SUGCT: variants seen among roughly 807,000 people sequenced by gnomAD.
SUGCT encodes succinyl-CoA:glutarate CoA-transferase.
SUGCT carries 41 observed loss-of-function variants against 55.0 expected under a neutral mutation model. That is an observed-to-expected ratio of 0.74 (90% CI 0.58 to 0.97). The LOEUF is 0.97. Ranked by LOEUF, SUGCT falls within the 50% of genes least tolerant of loss-of-function variation. The probability of loss-of-function intolerance (pLI) is 0.00; values close to 1 mark genes in which losing one functional copy is unlikely to be tolerated. For synonymous variants in SUGCT, 187 were observed against 200.4 expected, an observed-to-expected ratio of 0.93 and a Z score of 0.56; for missense variants, 568 against 547.8, an observed-to-expected ratio of 1.04 and a Z score of -0.37.
At chr7:40,665,864 G>A (rs535771515) in intron 12 of SUGCT, among the ~76,000 whole-genome samples, 105 of 152,036 alleles carry the variant, frequency 6.9e-4, no homozygotes, top group Middle Eastern at 3.4e-3. Flanking sequence ...TAGGTGTGCC[G>A]GTAAGTATAA....
chr7:40,261,115 G>A (rs1791195173), intron 7 of SUGCT, among the ~76,000 whole-genome samples: 2 of 152,150 alleles, frequency 1.3e-5, no homozygotes, highest in African/African-American at 2.4e-5. Flanking sequence ...TCCAGTGAAA[G>A]TCTATAGGGA....
Position 40,377,182 on chromosome 7 carries a change from CTTTCTTTCTTTCTTTCTTTTCT to C in SUGCT, c.816+60335_816+60356del, listed in dbSNP as rs1784610222. On this transcript the variant is annotated intron_variant, in intron 9 of 13. Transcript: ENST00000335693. Reference sequence around the variant, plus strand: ...TCTTTCTTTCTTTCTTTCTTTCTTTCTTTCTTTCTTTCTTTCTTTTCTTTTCTTTTCTTTCTTTTCTTTCTTT... The same window carrying C: ...TCTTTCTTTCTTTCTTTCTTTCTTTCTTTCTTTTCTTTCTTTTCTTTCTTT... Among the ~76,000 whole-genome samples, 4 of 15,694 alleles carry C rather than the reference CTTTCTTTCTTTCTTTCTTTTCT, an allele frequency of 2.5e-4. 2 individuals are homozygous for C. Among genetic ancestry groups the C allele is most frequent in the African/African-American group, 3.9e-4 (4 of 10,336 alleles). 10.3% of individuals were successfully genotyped at this position (15,694 alleles called of 152,430 possible).
chr7:40,597,076 C>G (rs1389973742), intron 12 of SUGCT, among the ~76,000 whole-genome samples: 1 of 152,140 alleles, frequency 6.6e-6, no homozygotes. Context: ...CACAGGGCTT[C>G]AAAGTTATAC....
chr7:40,599,268 G>T (rs1410629764), intron 12 of SUGCT, among the ~76,000 whole-genome samples: 1 of 152,166 alleles, frequency 6.6e-6, no homozygotes, highest in Admixed American at 6.5e-5. Flanking sequence ...TGTGGGTAGC[G>T]TGTGTATTCT....
At chr7:40,683,987 T>C (rs1213919026) in intron 12 of SUGCT, 17 of 1,594,906 alleles carry the variant, frequency 1.1e-5, no homozygotes, top group Non-Finnish European at 1.5e-5. Flanking sequence ...TCATGTGTGT[T>C]ACTGGCAGAA....
chr7:40,715,490 A>T (rs1423182414), intron 12 of SUGCT, among the ~76,000 whole-genome samples: 1 of 152,128 alleles, frequency 6.6e-6, no homozygotes, highest in East Asian at 1.9e-4. Flanking sequence ...CTCATTTTCC[A>T]TAAAACAAAC....
intron 12 of SUGCT, among the ~76,000 whole-genome samples, chr7:40,603,695 A>G (rs886266824): frequency 2.0e-5 from 3 of 152,212 alleles, no homozygotes; most frequent in Admixed American, 6.5e-5. Context: ...ACTAGAAATG[A>G]GAAAAATTCC....
At chr7:40,817,910 A>G (rs1389117712) in intron 13 of SUGCT, among the ~76,000 whole-genome samples, 4 of 152,206 alleles carry the variant, frequency 2.6e-5, no homozygotes, top group African/African-American at 9.6e-5. Flanking sequence ...AATATTACAC[A>G]TGTAATATAA....
chr7:40,706,805 G>T (rs981431724), intron 12 of SUGCT, among the ~76,000 whole-genome samples: 7 of 152,314 alleles, frequency 4.6e-5, no homozygotes, highest in Middle Eastern at 6.8e-3. Context: ...AAAAAATTTT[G>T]AGATAGCTTT....
chr7:40,931,146 T>C, the SUGCT span, among the ~76,000 whole-genome samples: 6 of 152,346 alleles, frequency 3.9e-5, 1 homozygote, highest in South Asian at 1.0e-3. Flanking sequence ...AGTTGAATTT[T>C]GTCAAAGGCC....
At chr7:40,539,599 A>G (rs1246507753) in intron 12 of SUGCT, 1 of 152,170 alleles carries the variant, frequency 6.6e-6, no homozygotes, top group East Asian at 1.9e-4. Context: ...AAAGGGAGAC[A>G]TTTCTTCTCT....
At chr7:40,190,428 T>A (rs1785822357) in intron 5 of SUGCT, among the ~76,000 whole-genome samples, 1 of 152,100 alleles carries the variant, frequency 6.6e-6, no homozygotes, top group Non-Finnish European at 1.5e-5. Flanking sequence ...TTTTGTAATT[T>A]TAGTAGCAAT....
intron 7 of SUGCT, among the ~76,000 whole-genome samples, chr7:40,239,201 C>T (rs753960410): frequency 6.6e-6 from 1 of 152,124 alleles, no homozygotes; most frequent in Admixed American, 6.6e-5. Flanking sequence ...CAACCTCAGC[C>T]TCCAACATAG....
chr7:40,303,491 C>T (rs75801053), intron 8 of SUGCT, among the ~76,000 whole-genome samples: 1 of 147,200 alleles, frequency 6.8e-6, no homozygotes, highest in African/African-American at 2.5e-5. Context: ...CATTTCTTCT[C>T]TTTTTTTTTT....
chr7:40,189,499 T>C, intron 4 of SUGCT, 45 bp from the exon 5 acceptor site: 1 of 650,574 alleles, frequency 1.5e-6, no homozygotes. Flanking sequence ...TTCTTGTGTT[T>C]TGGTCATCGA....
intron 3 of SUGCT, among the ~76,000 whole-genome samples, 166 bp downstream of exon 3, chr7:40,182,194 T>A (rs180879825): frequency 1.9e-3 from 286 of 152,364 alleles, no homozygotes; most frequent in African/African-American, 6.3e-3. Flanking sequence ...GAACTAACAC[T>A]AATGATATCT....
At chr7:40,167,987 G>A (rs1784499304) in intron 1 of SUGCT, among the ~76,000 whole-genome samples, 1 of 152,210 alleles carries the variant, frequency 6.6e-6, no homozygotes. Flanking sequence ...AATGCCTGGG[G>A]TTTATATCCC....
At chr7:40,368,595 C>G (rs117998800) in intron 9 of SUGCT, among the ~76,000 whole-genome samples, 8 of 152,292 alleles carry the variant, frequency 5.3e-5, no homozygotes, top group African/African-American at 1.9e-4. Context: ...GCCTCAAGCT[C>G]AGACTTCAAG....
intron 12 of SUGCT, among the ~76,000 whole-genome samples, chr7:40,748,493 TATG>T (rs1787848606): frequency 6.6e-6 from 1 of 151,892 alleles, no homozygotes; most frequent in Non-Finnish European, 1.5e-5. Flanking sequence ...TAATTTTTAT[TATG>T]GTGTTTAATA....
Sources: gnomAD v4.1 joint callset for allele counts (sites outside exome capture counted in the v4.1 genomes callset) on GRCh38, gnomAD v4.1.1 for gene constraint, MANE v1.5 for transcripts, NCBI Gene and HGNC (gene_info 2026-07-23, HGNC 2026-07-21) for gene names.